The following PM20D1 variants were observed in gnomAD, a reference collection of about 807,000 sequenced individuals.
The protein encoded by PM20D1 is peptidase M20 domain containing 1.
A neutral mutation model predicts 53.8 loss-of-function variants in PM20D1; 53 were observed. That is an observed-to-expected ratio of 0.98 (90% CI 0.79 to 1.24). The LOEUF (loss-of-function observed/expected upper bound fraction) is 1.24, where lower values mean the gene tolerates loss of function less well. Ranked by LOEUF, PM20D1 falls within the 50% of genes most tolerant of loss-of-function variation. PM20D1 has a pLI of 0.00. For synonymous variants in PM20D1, 239 were observed against 241.3 expected (o/e 0.99, Z 0.09); for missense variants, 564 against 616.8 (o/e 0.91, Z 0.91).
In PM20D1 at chr1:205,844,071, G is replaced by A. The variant is rs1558093954; in HGVS notation, c.707+16C>T. The A allele has an allele frequency of 3.1e-6, 5 of 1,601,374 alleles. No homozygotes were observed. Among genetic ancestry groups the A allele is most frequent in the Admixed American group, 1.7e-5 (1 of 59,086 alleles). ...GAGAATTCCCTCCAAGGTGTGGGGT[G>A]GGATGCTTTACTCACAAGGCGATGG... On this transcript the variant is annotated intron_variant, in intron 5 of 12. Transcript: ENST00000367136.
At chr1:205,831,734 T>C (rs566244014) in intron 11 of PM20D1, among the ~76,000 whole-genome samples, 2 of 152,158 alleles carry the variant, frequency 1.3e-5, no homozygotes, top group South Asian at 4.2e-4. Context: ...CAGCTAATTT[T>C]TGTATTTTTA....
chr1:205,829,345 A>G (rs1201218709), intron 12 of PM20D1, among the ~76,000 whole-genome samples: 7 of 152,022 alleles, frequency 4.6e-5, no homozygotes, highest in Non-Finnish European at 7.4e-5. Context: ...TATCTTTCCA[A>G]TTGTCTTTCT....
chr1:205,847,073 A>G (rs1384119207), intron 2 of PM20D1, among the ~76,000 whole-genome samples: 1 of 128,070 alleles, frequency 7.8e-6, no homozygotes, highest in East Asian at 2.3e-4. Flanking sequence ...ACTCGAGCAC[A>G]GTGGCACATT....
Position 205,828,578 on chromosome 1 carries a change from G to A in PM20D1, c.*42C>T. 1 of 1,612,190 alleles carries A rather than the reference G, an allele frequency of 6.2e-7. No homozygotes were observed. The highest frequency in any genetic ancestry group is 8.5e-7 in the Non-Finnish European group (1 of 1,179,310). ...TAGCTTTCCCCCTTGGGTTAGTCCT[G>A]TCCCGGGGTCGGGCATGCCTAACCC... On this transcript the variant is annotated 3_prime_UTR_variant, in exon 13 of 13. Transcript: ENST00000367136.
At position 205,841,301 on chromosome 1, in the gene PM20D1, G is replaced by A. The variant is rs1418098306; in HGVS notation, c.1044+510C>T. ...GTGCAAAAAAGCACTAAGTGGTCAG[G>A]GACAGAGCTGGGCTGTTGCAAATTA... On this transcript the variant is annotated intron_variant, in intron 9 of 12. Coordinates refer to ENST00000367136, the MANE Select transcript of PM20D1 (RefSeq NM_152491.5). 2.6e-5 allele frequency among the ~76,000 whole-genome samples: 4 copies of A among 152,144 alleles called. No homozygotes were observed. The East Asian group carries it at 7.7e-4, about 29-fold the overall frequency.
intron 2 of PM20D1, 60 bp from the exon 3 acceptor site, chr1:205,845,617 A>C: frequency 7.0e-7 from 1 of 1,428,306 alleles, no homozygotes; most frequent in Non-Finnish European, 9.7e-7. Context: ...AGGTTTTCCT[A>C]CCAAGTTGTG....
In PM20D1 at chr1:205,841,885, T is replaced by C; in HGVS notation, c.970A>G (p.Met324Val). The change falls in exon 9 of 13, where the codon ATG (methionine) becomes GTG (valine). Residue 324 changes from methionine (M) to valine (V), a missense_variant. By Grantham distance (21) the Met-to-Val change is conservative. Coordinates refer to ENST00000367136, the MANE Select transcript of PM20D1 (RefSeq NM_152491.5). ...GCATTGGTTAAGGGATTTCTCTCCA[T>C]AAACCTAAAACAAAAGGACCAAGGT... is the stretch of plus-strand genomic sequence containing the variant. ...WLFEPLISRFMERNPLTNAII... is the reference protein window; with the variant it reads ...WLFEPLISRFVERNPLTNAII... The C allele has an allele frequency of 6.4e-7, 1 of 1,559,576 alleles. No homozygotes were observed. Among genetic ancestry groups the C allele is most frequent in the Non-Finnish European group, 8.7e-7 (1 of 1,150,094 alleles).
intron 10 of PM20D1, among the ~76,000 whole-genome samples, chr1:205,833,576 CTCCTAGAAAAT>C (rs1656609154): frequency 6.6e-6 from 1 of 152,174 alleles, no homozygotes; most frequent in African/African-American, 2.4e-5. Flanking sequence ...CCTAAGGAAA[CTCCTAGAAAAT>C]TCTGTCTGAA....
intron 10 of PM20D1, 106 bp downstream of exon 10, chr1:205,840,146 T>A: frequency 1.1e-6 from 1 of 896,430 alleles, no homozygotes; most frequent in Non-Finnish European, 1.6e-6. Context: ...GTTGGTTGAA[T>A]AAATGGGACA....
chr1:205,831,594 T>A (rs1241277477), intron 11 of PM20D1, among the ~76,000 whole-genome samples: 1 of 150,548 alleles, frequency 6.6e-6, no homozygotes, highest in Non-Finnish European at 1.5e-5. Context: ...GACAGAGTCT[T>A]GCTCTGTCAC....
At chr1:205,848,770 C>A (rs1055873554) in intron 1 of PM20D1, among the ~76,000 whole-genome samples, 3 of 152,216 alleles carry the variant, frequency 2.0e-5, no homozygotes, top group Non-Finnish European at 2.9e-5. Flanking sequence ...GAAAGACAAA[C>A]TTCATCAGTT....
intron 1 of PM20D1, among the ~76,000 whole-genome samples, chr1:205,849,558 A>G (rs960112558): frequency 6.6e-6 from 1 of 152,158 alleles, no homozygotes; most frequent in Admixed American, 6.5e-5. Context: ...TTTATCAGGC[A>G]TGCAAACTTT....
intron 11 of PM20D1, among the ~76,000 whole-genome samples, chr1:205,831,646 C>T (rs764758465): frequency 2.0e-5 from 3 of 151,132 alleles, no homozygotes; most frequent in Non-Finnish European, 4.4e-5. Context: ...TTACTGCAAC[C>T]TCTGCCTCCT....
chr1:205,833,180 G>A (rs1656600678), intron 10 of PM20D1, among the ~76,000 whole-genome samples: 1 of 152,222 alleles, frequency 6.6e-6, no homozygotes, highest in Non-Finnish European at 1.5e-5. Context: ...CACCATTTCA[G>A]CCAGGAACAT....
intron 6 of PM20D1, among the ~76,000 whole-genome samples, 172 bp downstream of exon 6, chr1:205,843,495 T>G (rs897152261): frequency 6.6e-6 from 1 of 152,186 alleles, no homozygotes; most frequent in Admixed American, 6.5e-5. Flanking sequence ...ACCTGGATCT[T>G]TAGTCTGTCC....
At chr1:205,843,900 T>C (rs1429315045) in intron 5 of PM20D1, 114 bp from the exon 6 acceptor site, 1 of 1,495,368 alleles carries the variant, frequency 6.7e-7, no homozygotes, top group Non-Finnish European at 9.0e-7. Flanking sequence ...AGCTTCATGC[T>C]GCTTTAAAAA....
chr1:205,841,998 A>T, intron 8 of PM20D1, 109 bp from the exon 9 acceptor site: 1 of 1,220,362 alleles, frequency 8.2e-7, no homozygotes, highest in Admixed American at 2.0e-5. Context: ...AGACTGAGAG[A>T]GACGTCTTAG....
intron 10 of PM20D1, among the ~76,000 whole-genome samples, chr1:205,833,859 T>A (rs1020890561): frequency 4.6e-5 from 7 of 152,150 alleles, no homozygotes; most frequent in Non-Finnish European, 7.4e-5. Context: ...CCTCTTTTTT[T>A]TTTTTTGAGA....
rs556494564 is a variant in PM20D1, at chr1:205,849,705, G to C, written c.169+199C>G. ...GGCAGGGCACACCAGAGTTCCAGGA[G>C]CCAGGTATGGGGGAAGTGTGGCGTC... is the stretch of plus-strand genomic sequence containing the variant. On this transcript the variant is annotated intron_variant, in intron 1 of 12. Coordinates refer to ENST00000367136, the MANE Select transcript of PM20D1 (RefSeq NM_152491.5). 7.9e-5 allele frequency among the ~76,000 whole-genome samples: 12 copies of C among 152,222 alleles called. No homozygotes were observed. The South Asian group carries it at 2.5e-3, about 32-fold the overall frequency.
Sources: gnomAD v4.1 joint callset for allele counts (sites outside exome capture counted in the v4.1 genomes callset) on GRCh38, gnomAD v4.1.1 for gene constraint, MANE v1.5 for transcripts, NCBI Gene and HGNC (gene_info 2026-07-23, HGNC 2026-07-21) for gene names.